DTYMK: variants seen among roughly 807,000 people sequenced by gnomAD.
The protein encoded by DTYMK is thymidylate kinase.
DTYMK carries 20 observed loss-of-function variants against 20.3 expected under a neutral mutation model. The ratio of observed to expected loss-of-function variants is 0.99; its 90% CI spans 0.69 to 1.43. DTYMK has a LOEUF of 1.43. DTYMK is among the 40% of genes most tolerant of loss of function. DTYMK has a pLI of 0.00. For synonymous variants in DTYMK, 148 were observed against 124.4 expected, an observed-to-expected ratio of 1.19 and a Z score of -1.27; for missense variants, 320 against 291.1, an observed-to-expected ratio of 1.10 and a Z score of -0.72.
In DTYMK at chr2:241,678,692, G is replaced by A. The variant is rs755877625; in HGVS notation, c.331-43C>T. Reference sequence around the variant, plus strand: ...AACAGTTAAAGCTTAGTGTAGTCTAGGTTTTTGTTTCGAAAGTCGTAAAAA... The same window carrying A: ...AACAGTTAAAGCTTAGTGTAGTCTAAGTTTTTGTTTCGAAAGTCGTAAAAA... On this transcript the variant is annotated intron_variant, in intron 3 of 4. Coordinates refer to ENST00000305784, the MANE Select transcript of DTYMK (RefSeq NM_012145.4). 5.0e-6 allele frequency: 8 copies of A among 1,596,982 alleles called. No individual in the cohort carries two copies. In the Admixed American group the frequency reaches 6.9e-5, roughly 14 times the overall value.
At chr2:241,683,092 AAG>A (rs1216747652) in intron 2 of DTYMK, among the ~76,000 whole-genome samples, 6 of 152,212 alleles carry the variant, frequency 3.9e-5, no homozygotes, top group Non-Finnish European at 7.3e-5. Flanking sequence ...TCCCAAAAAA[AAG>A]AGTGGGCCAA....
At chr2:241,680,542 A>G (rs1010467348) in intron 2 of DTYMK, among the ~76,000 whole-genome samples, 4 of 152,038 alleles carry the variant, frequency 2.6e-5, no homozygotes, top group Admixed American at 6.6e-5. Context: ...ACATGGTGGC[A>G]GGCACCTGTA....
chr2:241,676,327 T>C (rs1204893709), intron 4 of DTYMK, 90 bp from the exon 5 acceptor site: 3 of 1,258,358 alleles, frequency 2.4e-6, no homozygotes, highest in African/African-American at 3.0e-5. Context: ...CCCAGCACTT[T>C]GGGAGGCCCA....
At chr2:241,678,246 G>A (rs1017056237) in intron 4 of DTYMK, among the ~76,000 whole-genome samples, 1 of 152,028 alleles carries the variant, frequency 6.6e-6, no homozygotes, top group Non-Finnish European at 1.5e-5. Context: ...CTCCAGCCTG[G>A]GTTGGCACCC....
In DTYMK at chr2:241,686,767, C is replaced by T. The variant is rs1156676345; in HGVS notation, c.17G>A (p.Gly6Glu). The change falls in exon 1 of 5, where the codon GGG becomes GAG. Residue 6 changes from glycine to glutamate, a missense_variant. By Grantham distance (98) the Gly-to-Glu change is moderately conservative (BLOSUM62 -2). Transcript: ENST00000305784. Reference sequence around the variant, plus strand: ...CACGCCCTCCAGCACTATGAGAGCCCCGCGCCGGGCCGCCATGACTGTCCA... The same window carrying T: ...CACGCCCTCCAGCACTATGAGAGCCTCGCGCCGGGCCGCCATGACTGTCCA... MAARRGALIVLEGVDR... is the reference protein window; with the variant it reads MAARREALIVLEGVDR... 6 of 1,462,096 alleles carry T rather than the reference C, an allele frequency of 4.1e-6. No individual in the cohort carries two copies. The highest frequency in any genetic ancestry group is 5.3e-6 in the Non-Finnish European group (6 of 1,121,918). The allele number at this position is 1,462,096 out of a possible 1,614,324, so 90.6% of individuals were successfully genotyped here.
In DTYMK at chr2:241,678,533, C is replaced by T; in HGVS notation, c.447G>A (p.Glu149=). ...DAAKRGAFGH[E]RYENGAFQER... is the part of the protein sequence containing the mutation. ...CCTGGAAAGCCCCGTTCTCATAGCG[C>T]TCATGGCCAAACGCTCCCCGCTTGG... Residue 149 remains glutamate (E), a synonymous_variant, in exon 4 of 5, where the codon GAG becomes GAA. Transcript: ENST00000305784. 6.2e-7 allele frequency: 1 copy of T among 1,614,202 alleles called. No homozygotes were observed. Among genetic ancestry groups the T allele is most frequent in the African/African-American group, 1.3e-5 (1 of 75,058 alleles).
chr2:241,680,335 CTCCTGAGCCCTGG>C lies in DTYMK; in HGVS notation c.240-29_240-17del. 6.2e-7 allele frequency: 1 copy of C among 1,613,812 alleles called. No homozygotes were observed. The highest frequency in any genetic ancestry group is 2.2e-5 in the East Asian group (1 of 44,874). ...AATTAACGGCCTGAAAAAGAGGATGCTCCTGAGCCCTGGTCCTGTTTCATAGGCCTTGAACTGT... is the reference window on the plus strand; with the variant it reads ...AATTAACGGCCTGAAAAAGAGGATGCTCCTGTTTCATAGGCCTTGAACTGT... On this transcript the variant is annotated splice_polypyrimidine_tract_variant and intron_variant, in intron 2 of 4. Transcript: ENST00000305784.
intron 3 of DTYMK, among the ~76,000 whole-genome samples, chr2:241,679,657 A>C (rs2069195210): frequency 6.6e-6 from 1 of 152,012 alleles, no homozygotes; most frequent in Admixed American, 6.6e-5. Context: ...AAAGTACTAC[A>C]AATGAACCAT....
intron 2 of DTYMK, among the ~76,000 whole-genome samples, chr2:241,680,891 C>A (rs1250049393): frequency 6.6e-6 from 1 of 152,126 alleles, no homozygotes; most frequent in Non-Finnish European, 1.5e-5. Flanking sequence ...TCCAGAAACA[C>A]GGCAGGGGAA....
rs201918916 is a variant in DTYMK at position 241,685,726 on chromosome 2, G to GA, written c.239+42dup. On this transcript the variant is annotated intron_variant, in intron 2 of 4. Transcript: ENST00000305784. ...GCGTTCACTGAATCTCAGGAGGAAGGAAAGTGGCAAGGGCAGAGGGAGCAG... is the reference window on the plus strand; with the variant it reads ...GCGTTCACTGAATCTCAGGAGGAAGGAAAAGTGGCAAGGGCAGAGGGAGCAG... 3.4e-3 allele frequency: 5,345 copies of GA among 1,581,020 alleles called. 45 individuals carry two copies. Among genetic ancestry groups the GA allele is most frequent in the Middle Eastern group, 0.021 (123 of 5,982 alleles).
chr2:241,683,867 G>A (rs2069318980), intron 2 of DTYMK, among the ~76,000 whole-genome samples: 1 of 152,104 alleles, frequency 6.6e-6, no homozygotes, highest in East Asian at 1.9e-4. Flanking sequence ...AGACCACCCT[G>A]GCCAACATGG....
rs746362712 is a variant in DTYMK at position 241,678,505 on chromosome 2, G to A, written c.475C>T (p.Arg159Trp). ...ERYENGAFQE[R>W]ALRCFHQLMK... ...AGCTGGTGGAAACACCGGAGCGCCC[G>A]CTCCTGGAAAGCCCCGTTCTCATAG... is the stretch of plus-strand genomic sequence containing the variant. Residue 159 changes from arginine to tryptophan, a missense_variant, in exon 4 of 5, where the codon CGG becomes TGG. Physicochemically the swap from Arg to Trp is moderately radical, Grantham distance 101 (BLOSUM62 -3). Transcript: ENST00000305784. The A allele has an allele frequency of 1.2e-5, 19 of 1,614,174 alleles. No individual in the cohort carries two copies. Among genetic ancestry groups the A allele is most frequent in the African/African-American group, 4.0e-5 (3 of 75,048 alleles).
Position 241,685,881 on chromosome 2 carries a change from G to C in DTYMK, c.131-4C>G. ...TTGCCGATTTCAGTTGATCTTTCTA[G>C]AAAAAAAGAGAAACACACAAAATGC... On this transcript the variant is annotated splice_polypyrimidine_tract_variant and splice_region_variant and intron_variant, in intron 1 of 4. Coordinates refer to ENST00000305784, the MANE Select transcript of DTYMK (RefSeq NM_012145.4). 1 of 1,613,058 alleles carries C rather than the reference G, an allele frequency of 6.2e-7. No homozygotes were observed. Among genetic ancestry groups the C allele is most frequent in the Non-Finnish European group, 8.5e-7 (1 of 1,179,486 alleles).
At position 241,678,617 on chromosome 2, in the gene DTYMK, G is replaced by A. The variant is rs188663113; in HGVS notation, c.363C>T (p.Asp121=). The change falls in exon 4 of 5, where the codon GAC becomes GAT. Residue 121 remains aspartate (D), a synonymous_variant. Coordinates refer to ENST00000305784, the MANE Select transcript of DTYMK (RefSeq NM_012145.4). ...CCAGGTCGGGTTTGGGAAGGCCCAC[G>A]TCTGGCTGTTTACACCAATCTAGGG... ...NFSLDWCKQP[D]VGLPKPDLVL... 5.6e-6 allele frequency: 9 copies of A among 1,614,138 alleles called. No individual in the cohort carries two copies. In the African/African-American group the frequency reaches 8.0e-5, roughly 14 times the overall value.
intron 2 of DTYMK, among the ~76,000 whole-genome samples, chr2:241,681,400 G>C (rs997235572): frequency 6.6e-6 from 1 of 152,144 alleles, no homozygotes; most frequent in Non-Finnish European, 1.5e-5. Context: ...AATTCAAAAT[G>C]AATCACAGGC....
At chr2:241,676,338 C>G (rs1237378507) in intron 4 of DTYMK, 101 bp from the exon 5 acceptor site, 1 of 1,062,052 alleles carries the variant, frequency 9.4e-7, no homozygotes, top group Admixed American at 2.4e-5. Flanking sequence ...GGGAGGCCCA[C>G]GAGGGAGGAC....
At chr2:241,684,050 CTT>C (rs558307667) in intron 2 of DTYMK, among the ~76,000 whole-genome samples, 5 of 152,036 alleles carry the variant, frequency 3.3e-5, no homozygotes, top group South Asian at 2.1e-4. Flanking sequence ...CAACGAGACT[CTT>C]GTCTCAAAAA....
chr2:241,678,721 G>A lies in DTYMK; in HGVS notation c.331-72C>T. 18 of 1,533,488 alleles carry A rather than the reference G, an allele frequency of 1.2e-5. No homozygotes were observed. The Admixed American group carries it at 1.8e-4, about 15-fold the overall frequency. 95.0% of individuals were successfully genotyped at this position (1,533,488 alleles called of 1,614,324 possible). A position where few individuals can be genotyped will look rare whatever the true frequency, so the allele number is the denominator to read the frequency against. On this transcript the variant is annotated intron_variant, in intron 3 of 4. Transcript: ENST00000305784. ...TTTGTTTCGAAAGTCGTAAAAACAG[G>A]AAAAAATGAGGGGACATTTGGTGAG... is the stretch of plus-strand genomic sequence containing the variant.
chr2:241,682,532 AT>A (rs1293641257), intron 2 of DTYMK, among the ~76,000 whole-genome samples: 1 of 152,238 alleles, frequency 6.6e-6, no homozygotes, highest in Non-Finnish European at 1.5e-5. Flanking sequence ...TCATGCCTAT[AT>A]TCCCAACACT....
Sources: gnomAD v4.1 joint callset for allele counts (sites outside exome capture counted in the v4.1 genomes callset) on GRCh38, gnomAD v4.1.1 for gene constraint, MANE v1.5 for transcripts, NCBI Gene and HGNC (gene_info 2026-07-23, HGNC 2026-07-21) for gene names.